The following COL26A1 variants were observed in gnomAD, a reference collection of about 807,000 sequenced individuals.
COL26A1 encodes collagen alpha-1(XXVI) chain.
Under a neutral mutation model 59.3 loss-of-function variants are expected in COL26A1, and 41 were observed. That is an observed-to-expected ratio of 0.69 (90% confidence interval 0.54 to 0.90). The LOEUF (loss-of-function observed/expected upper bound fraction) is 0.90. Among genes scored for constraint, COL26A1 ranks in the 40% least tolerant of loss-of-function variants. COL26A1 has a pLI of 0.00. For missense variants in COL26A1, 612 were observed against 602.3 expected (o/e 1.02, Z -0.17); for synonymous variants, 266 against 256.0 (o/e 1.04, Z -0.37).
At chr7:101,389,086 T>G in intron 1 of COL26A1, 1 of 194,602 alleles carries the variant, frequency 5.1e-6, no homozygotes, top group Non-Finnish European at 1.1e-5. Context: ...TTCCTCAGTA[T>G]CCGTCTTAAC....
chr7:101,531,119 C>T (rs186083786), intron 3 of COL26A1, among the ~76,000 whole-genome samples: 55 of 152,112 alleles, frequency 3.6e-4, no homozygotes, highest in Admixed American at 2.9e-3. Flanking sequence ...TACAGGCGCC[C>T]GCCACCATGC....
intron 1 of COL26A1, among the ~76,000 whole-genome samples, chr7:101,387,575 CAG>C (rs1208699364): frequency 1.4e-5 from 2 of 147,030 alleles, no homozygotes; most frequent in South Asian, 2.1e-4. Context: ...TTTTTTGAGA[CAG>C]AGTTTTACTC....
rs72615171 is a variant in COL26A1, at chr7:101,536,415, G to A, written c.447+3272G>A. ...GGGCTAGTTGCCAAGACAGCCCAGC[G>A]GCACCAGAGGCCATGCCGAGGTCAG... On this transcript the variant is annotated intron_variant, in intron 4 of 12. Coordinates refer to ENST00000313669, the MANE Select transcript of COL26A1 (RefSeq NM_001278563.3). 5.7e-3 allele frequency among the ~76,000 whole-genome samples: 861 copies of A among 152,348 alleles called. 36 individuals are homozygous for A. The East Asian group carries it at 0.11, about 20-fold the overall frequency.
intron 1 of COL26A1, among the ~76,000 whole-genome samples, chr7:101,392,186 G>T (rs1019519268): frequency 1.3e-5 from 2 of 152,074 alleles, no homozygotes; most frequent in African/African-American, 4.8e-5. Flanking sequence ...GGGCTGGGCC[G>T]TGAGGGTGGC....
chr7:101,386,257 G>GTTTTTTT (rs71106515), intron 1 of COL26A1, among the ~76,000 whole-genome samples: 2 of 117,674 alleles, frequency 1.7e-5, no homozygotes, highest in African/African-American at 3.3e-5. Context: ...GTCCTAGCTT[G>GTTTTTTT]TTTTTTTTTT....
chr7:101,555,689 T>TG, intron 11 of COL26A1, 98 bp from the exon 12 acceptor site: 2 of 765,348 alleles, frequency 2.6e-6, no homozygotes, highest in East Asian at 2.8e-5. Flanking sequence ...GAGGCAGGGG[T>TG]GGGGGGCTTT....
chr7:101,483,735 C>T (rs187386151), intron 3 of COL26A1, among the ~76,000 whole-genome samples: 96 of 150,674 alleles, frequency 6.4e-4, no homozygotes, highest in Non-Finnish European at 1.1e-3. Flanking sequence ...AGTGCAATGG[C>T]GCGATCTCAG....
chr7:101,501,133 C>T (rs1361876302), intron 3 of COL26A1, among the ~76,000 whole-genome samples: 1 of 143,530 alleles, frequency 7.0e-6, no homozygotes, highest in Non-Finnish European at 1.5e-5. Flanking sequence ...TTGCAGTGAG[C>T]CAAGATCGAG....
At chr7:101,364,535 T>C (rs4727487) in intron 1 of COL26A1, among the ~76,000 whole-genome samples, 87,513 of 150,940 alleles carry the variant, frequency 0.58, 26,974 homozygotes, top group African/African-American at 0.8. Flanking sequence ...TTGCTAGGCC[T>C]AGGAGCCACT....
intron 3 of COL26A1, among the ~76,000 whole-genome samples, chr7:101,477,555 G>A (rs1010408715): frequency 6.6e-6 from 1 of 152,164 alleles, no homozygotes; most frequent in Non-Finnish European, 1.5e-5. Context: ...TGTATAGGGA[G>A]TATCTTGATA....
intron 3 of COL26A1, among the ~76,000 whole-genome samples, chr7:101,454,453 T>C (rs1317715412): frequency 6.6e-6 from 1 of 151,966 alleles, no homozygotes; most frequent in East Asian, 1.9e-4. Flanking sequence ...GAGACAGGGT[T>C]TCACTATGTT....
rs369737607 is a variant in COL26A1 at position 101,549,186 on chromosome 7, G to A, written c.956G>A (p.Arg319Gln). 15 of 1,602,992 alleles carry A rather than the reference G, an allele frequency of 9.4e-6. No individual in the cohort carries two copies. Among genetic ancestry groups the A allele is most frequent in the African/African-American group, 8.1e-5 (6 of 74,142 alleles). ...CTGCCCACAGGTCCCCCTGGGCCTC[G>A]AGGTCCCCCAGGACCCCCAGGAACA... ...PPGPPGPPGP[R>Q]GPPGPPGTPG... Residue 319 changes from arginine (R) to glutamine (Q), a missense_variant, in exon 9 of 13, where the codon CGA becomes CAA. By Grantham distance (43) the Arg-to-Gln change is conservative. Coordinates refer to ENST00000313669, the MANE Select transcript of COL26A1 (RefSeq NM_001278563.3).
chr7:101,417,693 T>C (rs1174531744), intron 1 of COL26A1, among the ~76,000 whole-genome samples: 1 of 145,534 alleles, frequency 6.9e-6, no homozygotes, highest in East Asian at 2.0e-4. Flanking sequence ...GACATAGATA[T>C]AGAGATATAT....
rs184130320 is a variant in COL26A1, at chr7:101,498,485, G to A, written c.386-34597G>A. Among the ~76,000 whole-genome samples the A allele has an allele frequency of 2.0e-4, 31 of 152,278 alleles. No homozygotes were observed. The East Asian group carries it at 5.2e-3, about 26-fold the overall frequency. On this transcript the variant is annotated intron_variant, in intron 3 of 12. Transcript: ENST00000313669. ...CCGCAGAGTGTGGCATGAGCACTGC[G>A]CAAGAATTGGGAGCCCCGGTTTCTC...
At chr7:101,381,030 G>A (rs750168622) in intron 1 of COL26A1, among the ~76,000 whole-genome samples, 3 of 152,144 alleles carry the variant, frequency 2.0e-5, no homozygotes, top group Non-Finnish European at 2.9e-5. Context: ...CTCTTTGCAA[G>A]CTGTGTTAGA....
chr7:101,527,522 G>A (rs150504349), intron 3 of COL26A1, among the ~76,000 whole-genome samples: 4,580 of 150,284 alleles, frequency 0.03, 90 homozygotes, highest in African/African-American at 0.036. Context: ...TTTTAGTAGC[G>A]ACGGGGTTTC....
At position 101,466,790 on chromosome 7, in the gene COL26A1, G is replaced by C. The variant is rs144384001; in HGVS notation, c.385+19003G>C. 5.8e-3 allele frequency among the ~76,000 whole-genome samples: 819 copies of C among 140,192 alleles called. 5 individuals are homozygous for C. The highest frequency in any genetic ancestry group is 0.021 in the African/African-American group (795 of 37,752). 92.0% of individuals were successfully genotyped at this position (140,192 alleles called of 152,430 possible). A position where few individuals can be genotyped will look rare whatever the true frequency, so the allele number is the denominator to read the frequency against. Reference sequence around the variant, plus strand: ...GATGAGAATGCTAAGACCCCGGCATGTTCTGGTGTGTGTGTGTGTGTGTGT... The same window carrying C: ...GATGAGAATGCTAAGACCCCGGCATCTTCTGGTGTGTGTGTGTGTGTGTGT... On this transcript the variant is annotated intron_variant, in intron 3 of 12. Transcript: ENST00000313669.
intron 1 of COL26A1, among the ~76,000 whole-genome samples, chr7:101,406,423 C>A (rs1792130506): frequency 6.6e-6 from 1 of 152,200 alleles, no homozygotes; most frequent in African/African-American, 2.4e-5. Flanking sequence ...ACAGGAACAG[C>A]AGCCTCAGAG....
At chr7:101,393,314 T>C (rs960919654) in intron 1 of COL26A1, among the ~76,000 whole-genome samples, 1 of 152,208 alleles carries the variant, frequency 6.6e-6, no homozygotes, top group African/African-American at 2.4e-5. Context: ...ATAGGCCATC[T>C]GCAAGCTGAG....
Sources: gnomAD v4.1 joint callset for allele counts (sites outside exome capture counted in the v4.1 genomes callset) on GRCh38, gnomAD v4.1.1 for gene constraint, MANE v1.5 for transcripts, NCBI Gene and HGNC (gene_info 2026-07-23, HGNC 2026-07-21) for gene names.